The following GFOD1 variants were observed in gnomAD, a reference collection of about 807,000 sequenced individuals.
GFOD1 encodes the protein Gfo/Idh/MocA-like oxidoreductase domain containing 1, also known as glucose-fructose oxidoreductase domain-containing protein 1.
GFOD1 carries 9 observed loss-of-function variants against 25.4 expected under a neutral mutation model. That is an observed-to-expected ratio of 0.35 (90% confidence interval 0.21 to 0.62). The LOEUF (loss-of-function observed/expected upper bound fraction) is 0.62. Ranked by LOEUF, GFOD1 falls within the 20% of genes least tolerant of loss-of-function variation. The pLI is 0.72. For missense variants in GFOD1, 403 were observed against 556.9 expected (o/e 0.72, Z 2.78); for synonymous variants, 253 against 245.6 (o/e 1.03, Z -0.28).
At chr6:13,374,269 T>TGTGTGTGTG (rs1388428104) in intron 1 of GFOD1, among the ~76,000 whole-genome samples, 8,038 of 121,178 alleles carry the variant, frequency 0.066, 320 homozygotes, top group Non-Finnish European at 0.084. Flanking sequence ...AATATGTTTT[T>TGTGTGTGTG]TTTTTGTGTG....
At chr6:13,448,276 A>AT (rs1562222216) in intron 1 of GFOD1, among the ~76,000 whole-genome samples, 1 of 152,186 alleles carries the variant, frequency 6.6e-6, no homozygotes, top group Non-Finnish European at 1.5e-5. Context: ...GTACTCGTTC[A>AT]TTTACCTGTT....
At chr6:13,453,257 C>T (rs143928873) in intron 1 of GFOD1, among the ~76,000 whole-genome samples, 15 of 152,308 alleles carry the variant, frequency 9.8e-5, no homozygotes, top group Admixed American at 3.9e-4. Context: ...TTTTGAAGAA[C>T]GCCTGTTACC....
chr6:13,469,369 A>C (rs1234160313), intron 1 of GFOD1: 15 of 985,488 alleles, frequency 1.5e-5, no homozygotes, highest in Non-Finnish European at 1.8e-5. Flanking sequence ...ACATTTTCTC[A>C]ATTTTTTAAC....
chr6:13,373,739 C>A (rs1488054328), intron 1 of GFOD1, among the ~76,000 whole-genome samples: 1 of 130,898 alleles, frequency 7.6e-6, no homozygotes, highest in Non-Finnish European at 1.5e-5. Flanking sequence ...TCCTGCTCCC[C>A]CAACACACAC....
At position 13,363,672 on chromosome 6, in the gene GFOD1, T is replaced by G. The variant is rs1314390032; in HGVS notation, c.*1071A>C. ...AATCTCCTAAAAGCTCTTGCCCAGC[T>G]TGGTAGGAGAGATGCGCGATAGAGC... On this transcript the variant is annotated 3_prime_UTR_variant, in exon 2 of 2. Coordinates refer to ENST00000379287, the MANE Select transcript of GFOD1 (RefSeq NM_018988.4). 6.7e-6 allele frequency: 1 copy of G among 150,338 alleles called. No individual in the cohort carries two copies. The highest frequency in any genetic ancestry group is 2.5e-5 in the African/African-American group (1 of 40,670). 9.3% of individuals were successfully genotyped at this position (150,338 alleles called of 1,614,324 possible).
At chr6:13,413,548 G>C (rs368612513) in intron 1 of GFOD1, among the ~76,000 whole-genome samples, 23 of 152,330 alleles carry the variant, frequency 1.5e-4, no homozygotes, top group East Asian at 7.7e-4. Flanking sequence ...GCTGGCTGTA[G>C]TTTAGCTCTG....
In GFOD1 at chr6:13,370,932, G is replaced by A. The variant is rs369465801; in HGVS notation, c.254-5270C>T. ...TACCTGTTCTGCAAACTGCCTGTCT[G>A]TCAGCCTGGGCTTTGGACTCGGCTC... On this transcript the variant is annotated intron_variant, in intron 1 of 1. Transcript: ENST00000379287. Among the ~76,000 whole-genome samples, 3 of 152,218 alleles carry A rather than the reference G, an allele frequency of 2.0e-5. No individual in the cohort carries two copies. In the East Asian group the frequency reaches 5.8e-4, roughly 29 times the overall value.
At chr6:13,381,921 A>G (rs563029543) in intron 1 of GFOD1, among the ~76,000 whole-genome samples, 114 of 125,330 alleles carry the variant, frequency 9.1e-4, no homozygotes, top group African/African-American at 3.9e-3. Flanking sequence ...GCGCGCACAC[A>G]CACACACACA....
At chr6:13,475,625 G>A (rs1758604211) in intron 1 of GFOD1, among the ~76,000 whole-genome samples, 1 of 151,764 alleles carries the variant, frequency 6.6e-6, no homozygotes, top group African/African-American at 2.4e-5. Flanking sequence ...GGCTGAGGCA[G>A]GAGAATTGCT....
chr6:13,479,599 C>A (rs1160970399), intron 1 of GFOD1, among the ~76,000 whole-genome samples: 1 of 152,194 alleles, frequency 6.6e-6, no homozygotes, highest in African/African-American at 2.4e-5. Context: ...TGTTGCTCTT[C>A]TTCCCCAGTT....
chr6:13,409,171 G>GAAAGAA (rs767046415), intron 1 of GFOD1, among the ~76,000 whole-genome samples: 249 of 20,592 alleles, frequency 0.012, 41 homozygotes, highest in Non-Finnish European at 0.025. Context: ...AGAAAGGAAA[G>GAAAGAA]AGAGAGAGAG....
intron 1 of GFOD1, among the ~76,000 whole-genome samples, chr6:13,387,261 A>G (rs1584619531): frequency 6.6e-6 from 1 of 152,222 alleles, no homozygotes; most frequent in Admixed American, 6.5e-5. Context: ...ACTCCTTTTC[A>G]TAGTCAAGGG....
chr6:13,434,132 G>A (rs1757793966), intron 1 of GFOD1, among the ~76,000 whole-genome samples: 1 of 152,234 alleles, frequency 6.6e-6, no homozygotes, highest in South Asian at 2.1e-4. Context: ...CAGAAGTCAG[G>A]CGCAAGGCAT....
Position 13,430,185 on chromosome 6 carries a change from C to T in GFOD1, c.253+56453G>A, listed in dbSNP as rs1273690087. On this transcript the variant is annotated intron_variant, in intron 1 of 1. Transcript: ENST00000379287. This position sits in a 1 kb window ranked among gnomAD's most constrained non-coding sequence, Gnocchi z 4.1. ...GGAGCAGTCGCTCATGCCTGTAACCCCAGCACTTTGGGAAGCAGAGGCGGG... is the reference window on the plus strand; with the variant it reads ...GGAGCAGTCGCTCATGCCTGTAACCTCAGCACTTTGGGAAGCAGAGGCGGG... 6.6e-6 allele frequency among the ~76,000 whole-genome samples: 1 copy of T among 152,204 alleles called. No individual in the cohort carries two copies. The highest frequency in any genetic ancestry group is 1.5e-5 in the Non-Finnish European group (1 of 68,044).
intron 1 of GFOD1, among the ~76,000 whole-genome samples, chr6:13,457,116 G>A (rs1305180847): frequency 1.3e-5 from 2 of 152,150 alleles, no homozygotes; most frequent in African/African-American, 2.4e-5. Flanking sequence ...TGCCCAACAC[G>A]GAAAGTGAAA....
chr6:13,392,991 C>T (rs1785644497), intron 1 of GFOD1, among the ~76,000 whole-genome samples: 1 of 151,882 alleles, frequency 6.6e-6, no homozygotes, highest in African/African-American at 2.4e-5. Flanking sequence ...GAGCCCAGGA[C>T]TTCAAGGTTG....
chr6:13,371,643 A>G (rs1785156380), intron 1 of GFOD1, among the ~76,000 whole-genome samples: 1 of 152,220 alleles, frequency 6.6e-6, no homozygotes, highest in Admixed American at 6.5e-5. Flanking sequence ...TGCCTGAGAA[A>G]GTATGTTTTG....
intron 1 of GFOD1, among the ~76,000 whole-genome samples, chr6:13,452,524 G>A (rs1758117414): frequency 6.6e-6 from 1 of 152,138 alleles, no homozygotes; most frequent in Non-Finnish European, 1.5e-5. Context: ...ATCTGGTGAG[G>A]GCTCGCTCCC....
intron 1 of GFOD1, among the ~76,000 whole-genome samples, chr6:13,439,235 T>A (rs557362092): frequency 9.2e-6 from 1 of 108,344 alleles, no homozygotes; most frequent in African/African-American, 2.6e-5. Flanking sequence ...AACAAACAAC[T>A]GAAAATTGAA....
Sources: gnomAD v4.1 joint callset for allele counts (sites outside exome capture counted in the v4.1 genomes callset) on GRCh38, gnomAD v4.1.1 for gene constraint, Gnocchi (gnomAD v3.1) non-coding constraint, MANE v1.5 for transcripts, NCBI Gene and HGNC (gene_info 2026-07-23, HGNC 2026-07-21) for gene names.